The following ARMC7 variants were observed in gnomAD, a reference collection of about 807,000 sequenced individuals.
ARMC7 encodes armadillo repeat containing 7.
In ARMC7, 9 loss-of-function variants were observed where a neutral mutation model predicts 14.8. That is an observed-to-expected ratio of 0.61 (90% CI 0.37 to 1.06). The LOEUF (loss-of-function observed/expected upper bound fraction) is 1.06, where lower values mean the gene tolerates loss of function less well. Among genes scored for constraint, ARMC7 ranks in the 50% least tolerant of loss-of-function variants. ARMC7 has a pLI of 0.01. For missense variants in ARMC7, 262 were observed against 267.1 expected, an observed-to-expected ratio of 0.98 and a Z score of 0.13; for synonymous variants, 125 against 123.4, an observed-to-expected ratio of 1.01 and a Z score of -0.09.
At chr17:75,119,512 G>C (rs184556116) in intron 2 of ARMC7, among the ~76,000 whole-genome samples, 1 of 148,158 alleles carries the variant, frequency 6.7e-6, no homozygotes, top group Non-Finnish European at 1.5e-5. Flanking sequence ...GCAGTGGCGC[G>C]ATCTCGACTC....
chr17:75,111,684 G>A (rs898711306), intron 2 of ARMC7, among the ~76,000 whole-genome samples: 10 of 146,582 alleles, frequency 6.8e-5, no homozygotes, highest in Non-Finnish European at 1.2e-4. Flanking sequence ...GCTGCAGTGA[G>A]CTGGGATTGG....
chr17:75,124,081 A>G (rs1435499565), intron 2 of ARMC7, among the ~76,000 whole-genome samples: 2 of 152,178 alleles, frequency 1.3e-5, no homozygotes, highest in African/African-American at 4.8e-5. Flanking sequence ...GAGAAGCTCA[A>G]AGCAGCTGTT....
Position 75,128,976 on chromosome 17 carries a change from CG to C in ARMC7, c.537del (p.Gln180ArgfsTer70). The C allele has an allele frequency of 6.2e-7, 1 of 1,602,272 alleles. No individual in the cohort carries two copies. Among genetic ancestry groups the C allele is most frequent in the South Asian group, 1.1e-5 (1 of 90,960 alleles). On this transcript the variant is annotated frameshift_variant, in exon 3 of 3. Coordinates refer to ENST00000245543, the MANE Select transcript of ARMC7 (RefSeq NM_024585.4). LOFTEE classifies it high-confidence loss of function. ...SPRQVAEARS[R>X]QAHSALGIPL... The stretch of plus-strand genomic sequence containing the variant: ...CCGCCAGGTGGCCGAGGCCCGCAGC[CG>C]GCAGGCGCACTCTGCCCTGGGTATC...
At chr17:75,123,860 G>A (rs111762701) in intron 2 of ARMC7, among the ~76,000 whole-genome samples, 9,076 of 152,084 alleles carry the variant, frequency 0.06, 912 homozygotes, top group African/African-American at 0.2. Context: ...GCAGTGAGCC[G>A]AGATCGTGCT....
At position 75,112,204 on chromosome 17, in the gene ARMC7, G is replaced by A. The variant is rs16967599; in HGVS notation, c.235+1598G>A. Among the ~76,000 whole-genome samples the A allele has an allele frequency of 3.2e-3, 481 of 152,306 alleles. 3 individuals are homozygous for A. The highest frequency in any genetic ancestry group is 0.026 in the East Asian group (136 of 5,192). Reference sequence around the variant, plus strand: ...GAATGGCACAAAAAGAGTTTAGAGAGTTCAGTGGCACCAGAGCTTGCAGGA... The same window carrying A: ...GAATGGCACAAAAAGAGTTTAGAGAATTCAGTGGCACCAGAGCTTGCAGGA... On this transcript the variant is annotated intron_variant, in intron 2 of 2. Coordinates refer to ENST00000245543, the MANE Select transcript of ARMC7 (RefSeq NM_024585.4).
chr17:75,127,621 G>T (rs1251510617), intron 2 of ARMC7, among the ~76,000 whole-genome samples: 1 of 152,180 alleles, frequency 6.6e-6, no homozygotes, highest in Non-Finnish European at 1.5e-5. Context: ...TTTGAGACAG[G>T]GTCTCACTCT....
intron 2 of ARMC7, among the ~76,000 whole-genome samples, chr17:75,120,921 C>G (rs2074009378): frequency 6.6e-6 from 1 of 152,008 alleles, no homozygotes; most frequent in Non-Finnish European, 1.5e-5. Flanking sequence ...ATGTGTACAT[C>G]CATGTAAGCA....
At position 75,124,386 on chromosome 17, in the gene ARMC7, C is replaced by T. The variant is rs149468648; in HGVS notation, c.236-4291C>T. ...CTCCTGAGGCCTCCTCCTGCCCCCA[C>T]CCTCTGGTTTTCCGCAGTCTGGGTG... is the stretch of plus-strand genomic sequence containing the variant. On this transcript the variant is annotated intron_variant, in intron 2 of 2. Transcript: ENST00000245543. Among the ~76,000 whole-genome samples the T allele has an allele frequency of 2.0e-5, 3 of 152,300 alleles. No individual in the cohort carries two copies. In the East Asian group the frequency reaches 5.8e-4, roughly 29 times the overall value.
Position 75,130,242 on chromosome 17 carries a change from C to G in ARMC7, c.*1204C>G. The stretch of plus-strand genomic sequence containing the variant: ...TCCTAGAAGACTAGAAAGCCAAGGT[C>G]TTTTATTAAAGGTCCCGACTGGTTT... On this transcript the variant is annotated 3_prime_UTR_variant, in exon 3 of 3. Transcript: ENST00000245543. 8 of 535,434 alleles carry G rather than the reference C, an allele frequency of 1.5e-5. No homozygotes were observed. The highest frequency in any genetic ancestry group is 4.7e-5 in the South Asian group (2 of 43,004). 33.2% of individuals were successfully genotyped at this position (535,434 alleles called of 1,614,324 possible).
chr17:75,110,736 G>T, intron 2 of ARMC7, 130 bp downstream of exon 2: 1 of 1,266,478 alleles, frequency 7.9e-7, no homozygotes. Context: ...GCTAAGGCGG[G>T]CGGATCACCT....
rs1308436615 is a variant in ARMC7, at chr17:75,125,947, G to A, written c.236-2730G>A. Among the ~76,000 whole-genome samples, 4 of 152,352 alleles carry A rather than the reference G, an allele frequency of 2.6e-5. No individual in the cohort carries two copies. In the East Asian group the frequency reaches 7.7e-4, roughly 29 times the overall value. ...TGGCAGACTCCTGCCCCAGTCAGTGGAGGAGGGTCCTTGGCGGGGGCACCA... is the reference window on the plus strand; with the variant it reads ...TGGCAGACTCCTGCCCCAGTCAGTGAAGGAGGGTCCTTGGCGGGGGCACCA... On this transcript the variant is annotated intron_variant, in intron 2 of 2. Transcript: ENST00000245543.
rs1401812711 is a variant in ARMC7, at chr17:75,128,666, C to T, written c.236-11C>T. 2.5e-6 allele frequency: 4 copies of T among 1,604,876 alleles called. No individual in the cohort carries two copies. In the South Asian group the frequency reaches 4.4e-5, roughly 18 times the overall value. The stretch of plus-strand genomic sequence containing the variant: ...GCTACAGCATCCAGACTCTTCCTTG[C>T]TCTCCCACAGGAGGCCTGTGCAACC... On this transcript the variant is annotated splice_polypyrimidine_tract_variant and intron_variant, in intron 2 of 2. Transcript: ENST00000245543.
chr17:75,116,802 G>T (rs1458334696), intron 2 of ARMC7, among the ~76,000 whole-genome samples: 3 of 152,320 alleles, frequency 2.0e-5, no homozygotes, highest in Admixed American at 2.0e-4. Context: ...AAGCTGCGGT[G>T]CAGACAGCTG....
At chr17:75,125,070 C>G (rs533862179) in intron 2 of ARMC7, among the ~76,000 whole-genome samples, 1 of 152,230 alleles carries the variant, frequency 6.6e-6, no homozygotes, top group Admixed American at 6.5e-5. Context: ...GGCCTGCTTG[C>G]CCTCTGCTGC....
intron 2 of ARMC7, among the ~76,000 whole-genome samples, chr17:75,122,573 G>A (rs2074021192): frequency 6.6e-6 from 1 of 151,926 alleles, no homozygotes; most frequent in Admixed American, 6.6e-5. Flanking sequence ...ATGTTGGCAA[G>A]GCTAGTCTTG....
At chr17:75,120,321 C>G (rs906987278) in intron 2 of ARMC7, among the ~76,000 whole-genome samples, 1 of 152,172 alleles carries the variant, frequency 6.6e-6, no homozygotes, top group Non-Finnish European at 1.5e-5. Flanking sequence ...CCTGACCTCC[C>G]TGAGTCTCCG....
At chr17:75,127,121 CTT>C (rs2074057607) in intron 2 of ARMC7, among the ~76,000 whole-genome samples, 1 of 150,480 alleles carries the variant, frequency 6.6e-6, no homozygotes, top group East Asian at 2.0e-4. Flanking sequence ...TGGAGTCAGT[CTT>C]AACTCCCAGG....
chr17:75,122,623 A>C (rs1568017949), intron 2 of ARMC7, among the ~76,000 whole-genome samples: 1 of 151,958 alleles, frequency 6.6e-6, no homozygotes, highest in South Asian at 2.1e-4. Context: ...TCACCACCCA[A>C]AGTGCTGGGA....
intron 2 of ARMC7, among the ~76,000 whole-genome samples, chr17:75,124,212 CTAAGGGACA>C (rs1441189858): frequency 6.6e-6 from 1 of 152,226 alleles, no homozygotes; most frequent in African/African-American, 2.4e-5. Context: ...TTCTTCATCT[CTAAGGGACA>C]CTACCCGCTA....
Sources: gnomAD v4.1 joint callset for allele counts (sites outside exome capture counted in the v4.1 genomes callset) on GRCh38, gnomAD v4.1.1 for gene constraint, MANE v1.5 for transcripts, NCBI Gene and HGNC (gene_info 2026-07-23, HGNC 2026-07-21) for gene names.